PFN2: variants seen among roughly 807,000 people sequenced by gnomAD.
PFN2 encodes the protein profilin-2.
In PFN2, 8 loss-of-function variants were observed where a neutral mutation model predicts 15.3. The observed-to-expected ratio is 0.52, with a 90% CI of 0.31 to 0.95. The LOEUF is 0.95. Ranked by LOEUF, PFN2 falls within the 40% of genes least tolerant of loss-of-function variation. The probability of loss-of-function intolerance (pLI) is 0.05; values close to 1 mark genes in which losing one functional copy is unlikely to be tolerated. For missense variants in PFN2, 111 were observed against 182.3 expected (o/e 0.61, Z 2.25); for synonymous variants, 79 against 67.9 (o/e 1.16, Z -0.81).
chr3:149,966,503 C>T lies in PFN2; in HGVS notation c.409G>A (p.Asp137Asn). 6.2e-7 allele frequency: 1 copy of T among 1,613,004 alleles called. No homozygotes were observed. Among genetic ancestry groups the T allele is most frequent in the Non-Finnish European group, 8.5e-7 (1 of 1,179,062 alleles). The part of the protein sequence containing the change: ...KAYSMAKYLR[D>N]SGF ...CTGCCTAGCAGCTAGAACCCAGAGT[C>T]TCTCAAGTATTTTGCCATTGAGTAT... The change falls in exon 3 of 3, where the codon GAC (aspartate) becomes AAC (asparagine). Residue 137 changes from aspartate (D) to asparagine (N), a missense_variant. Physicochemically the swap from Asp to Asn is conservative, Grantham distance 23. Around this residue, in one of 2 missense-constraint regions of PFN2, gnomAD observed 47 missense variants for 112.7 expected, o/e 0.42. Transcript: ENST00000239940.
chr3:149,968,515 C>G lies in PFN2; in HGVS notation c.168G>C (p.Arg56=). 6.2e-7 allele frequency: 1 copy of G among 1,613,722 alleles called. No individual in the cohort carries two copies. The part of the protein sequence containing the change: ...IEIDMIVGKD[R]EGFFTNGLTL... ...TCAAACCGTTGGTAAAGAAACCTTC[C>G]CGGTCTTTTCCTACAATCATATCTA... Residue 56 remains arginine (R), a synonymous_variant, in exon 2 of 3, where the codon CGG becomes CGC. Transcript: ENST00000239940.
At chr3:149,969,421 G>A (rs1722783369) in intron 1 of PFN2, among the ~76,000 whole-genome samples, 2 of 152,226 alleles carry the variant, frequency 1.3e-5, no homozygotes, top group Non-Finnish European at 2.9e-5. Context: ...GCACACTCCC[G>A]CAATCTTCCT....
Position 149,966,050 on chromosome 3 carries a change from TCATGA to T in PFN2, c.*434_*438del, listed in dbSNP as rs1485491427. 1 of 1,513,736 alleles carries T rather than the reference TCATGA, an allele frequency of 6.6e-7. No individual in the cohort carries two copies. Among genetic ancestry groups the T allele is most frequent in the African/African-American group, 1.4e-5 (1 of 71,868 alleles). The allele number at this position is 1,513,736 out of a possible 1,614,324, so 93.8% of individuals were successfully genotyped here. A position where few individuals can be genotyped will look rare whatever the true frequency, so the allele number is the denominator to read the frequency against. ...AAATGATCCATTGGGCAAACAGGAATCATGACATTAGAAAATAGGTAAAGAAAAAT... is the reference window on the plus strand; with the variant it reads ...AAATGATCCATTGGGCAAACAGGAATCATTAGAAAATAGGTAAAGAAAAAT... On this transcript the variant is annotated 3_prime_UTR_variant, in exon 3 of 3. Transcript: ENST00000239940.
In PFN2 at chr3:149,965,235, CAA is replaced by C; in HGVS notation, c.*1252_*1253del. The C allele has an allele frequency of 6.6e-7, 1 of 1,523,990 alleles. No homozygotes were observed. Among genetic ancestry groups the C allele is most frequent in the South Asian group, 1.2e-5 (1 of 83,306 alleles). 94.4% of individuals were successfully genotyped at this position (1,523,990 alleles called of 1,614,324 possible). A position where few individuals can be genotyped will look rare whatever the true frequency, so the allele number is the denominator to read the frequency against. ...GAATACATATGAAAAAAATTCATCA[CAA>C]GACAGCCAAGTCCACAATAATGCAA... On this transcript the variant is annotated 3_prime_UTR_variant, in exon 3 of 3. Transcript: ENST00000239940.
chr3:149,969,274 G>T lies in PFN2; in HGVS notation c.133-724C>A, dbSNP rs533413298. ...GCAATAGTAAAACAGAAAAAATGGA[G>T]GGAGATTGGGAAAGAAACTGAGGTA... On this transcript the variant is annotated intron_variant, in intron 1 of 2. Transcript: ENST00000239940. Among the ~76,000 whole-genome samples, 10 of 152,266 alleles carry T rather than the reference G, an allele frequency of 6.6e-5. 1 individual carries two copies. The East Asian group carries it at 1.7e-3, about 26-fold the overall frequency.
In PFN2 at chr3:149,965,403, C is replaced by A; in HGVS notation, c.*1086G>T. On this transcript the variant is annotated 3_prime_UTR_variant, in exon 3 of 3. Transcript: ENST00000239940. ...TTTACTAAAGAGTAGAGCTGGTGTG[C>A]AAAGAAAAAGGAAGAAAAATCTGAG... The A allele has an allele frequency of 6.9e-7, 1 of 1,449,750 alleles. No homozygotes were observed. Among genetic ancestry groups the A allele is most frequent in the South Asian group, 1.5e-5 (1 of 68,146 alleles). The allele number at this position is 1,449,750 out of a possible 1,614,324, so 89.8% of individuals were successfully genotyped here. A position where few individuals can be genotyped will look rare whatever the true frequency, so the allele number is the denominator to read the frequency against.
At chr3:149,968,320 G>A in intron 2 of PFN2, 38 bp downstream of exon 2, 3 of 1,536,332 alleles carry the variant, frequency 2.0e-6, no homozygotes, top group Non-Finnish European at 2.7e-6. Context: ...AAGTTGTAAT[G>A]TGGCATGCAA....
rs1722674311 is a variant in PFN2, at chr3:149,965,841, G to A, written c.*648C>T. On this transcript the variant is annotated 3_prime_UTR_variant, in exon 3 of 3. Coordinates refer to ENST00000239940, the MANE Select transcript of PFN2 (RefSeq NM_053024.4). ...GCTGAAAAGACACTGATCAGAGATT[G>A]TACAACCGGCACCTTGCTTAATATT... 1.8e-6 allele frequency: 2 copies of A among 1,135,056 alleles called. No homozygotes were observed. Among genetic ancestry groups the A allele is most frequent in the Admixed American group, 4.5e-5 (1 of 22,106 alleles). The allele number at this position is 1,135,056 out of a possible 1,614,324, so 70.3% of individuals were successfully genotyped here. A position where few individuals can be genotyped will look rare whatever the true frequency, so the allele number is the denominator to read the frequency against.
rs1355068483 is a variant in PFN2 at position 149,965,514 on chromosome 3, T to C, written c.*975A>G. 7.1e-6 allele frequency: 10 copies of C among 1,405,790 alleles called. No individual in the cohort carries two copies. Among genetic ancestry groups the C allele is most frequent in the Non-Finnish European group, 9.2e-6 (10 of 1,086,996 alleles). 87.1% of individuals were successfully genotyped at this position (1,405,790 alleles called of 1,614,324 possible). A position where few individuals can be genotyped will look rare whatever the true frequency, so the allele number is the denominator to read the frequency against. ...GAGGAAGTGCTTTTTGCTCTTGTTT[T>C]GCCATTGCACTCTTCATATGTCCTG... On this transcript the variant is annotated 3_prime_UTR_variant, in exon 3 of 3. Coordinates refer to ENST00000239940, the MANE Select transcript of PFN2 (RefSeq NM_053024.4).
rs1722694877 is a variant in PFN2 at position 149,966,471 on chromosome 3, T to C, written c.*18A>G. 6.2e-7 allele frequency: 1 copy of C among 1,609,016 alleles called. No homozygotes were observed. Among genetic ancestry groups the C allele is most frequent in the Non-Finnish European group, 8.5e-7 (1 of 1,178,358 alleles). On this transcript the variant is annotated 3_prime_UTR_variant, in exon 3 of 3. Transcript: ENST00000239940. ...TTAAGAGCAATTTTCCCCTAATACT[T>C]AACAGTCTGCCTAGCAGCTAGAACC...
intron 1 of PFN2, among the ~76,000 whole-genome samples, chr3:149,969,931 G>C (rs1259592625): frequency 6.6e-6 from 1 of 151,940 alleles, no homozygotes; most frequent in Non-Finnish European, 1.5e-5. Flanking sequence ...GCAGATAATT[G>C]AAAGCCCCCG....
At chr3:149,969,747 AAAC>A (rs1559987188) in intron 1 of PFN2, among the ~76,000 whole-genome samples, 4 of 152,196 alleles carry the variant, frequency 2.6e-5, no homozygotes, top group Non-Finnish European at 5.9e-5. Context: ...GAAACAGGCA[AAAC>A]AATAAGCTGG....
intron 2 of PFN2, chr3:149,968,121 T>C: frequency 4.7e-6 from 2 of 421,802 alleles, no homozygotes; most frequent in African/African-American, 2.0e-5. Context: ...TTAATAAAGC[T>C]GAAAGTGAGT....
chr3:149,965,203 T>C lies in PFN2; in HGVS notation c.*1286A>G. 1 of 1,520,350 alleles carries C rather than the reference T, an allele frequency of 6.6e-7. No homozygotes were observed. Among genetic ancestry groups the C allele is most frequent in the Non-Finnish European group, 8.8e-7 (1 of 1,138,514 alleles). 94.2% of individuals were successfully genotyped at this position (1,520,350 alleles called of 1,614,324 possible). A position where few individuals can be genotyped will look rare whatever the true frequency, so the allele number is the denominator to read the frequency against. ...GCAACAGTTCATTTTAACAATAGTA[T>C]GGCACAGAATACATATGAAAAAAAT... On this transcript the variant is annotated 3_prime_UTR_variant, in exon 3 of 3. Coordinates refer to ENST00000239940, the MANE Select transcript of PFN2 (RefSeq NM_053024.4).
Position 149,966,334 on chromosome 3 carries a change from C to A in PFN2, c.*155G>T. 1 of 1,597,350 alleles carries A rather than the reference C, an allele frequency of 6.3e-7. No individual in the cohort carries two copies. Among genetic ancestry groups the A allele is most frequent in the Non-Finnish European group, 8.5e-7 (1 of 1,172,660 alleles). On this transcript the variant is annotated 3_prime_UTR_variant, in exon 3 of 3. Transcript: ENST00000239940. ...TGGGGGGGGAGGGCAGAAAGAAAGACACCTTTCCCCACCAACAGAGGGATA... is the reference window on the plus strand; with the variant it reads ...TGGGGGGGGAGGGCAGAAAGAAAGAAACCTTTCCCCACCAACAGAGGGATA...
intron 1 of PFN2, chr3:149,968,881 T>TCAG (rs1429426256): frequency 4.4e-6 from 1 of 224,982 alleles, no homozygotes. Context: ...CTGTATTAAG[T>TCAG]CAGCTGGTGC....
At chr3:149,968,635 G>A (rs928618682) in intron 1 of PFN2, 85 bp from the exon 2 acceptor site, 8 of 1,163,504 alleles carry the variant, frequency 6.9e-6, no homozygotes, top group Middle Eastern at 2.0e-4. Flanking sequence ...TAACAGGAAG[G>A]GCTGTAGCTA....
At position 149,966,145 on chromosome 3, in the gene PFN2, T is replaced by C. The variant is rs779315551; in HGVS notation, c.*344A>G. The C allele has an allele frequency of 6.2e-7, 1 of 1,608,868 alleles. No individual in the cohort carries two copies. The highest frequency in any genetic ancestry group is 8.5e-7 in the Non-Finnish European group (1 of 1,177,868). Reference sequence around the variant, plus strand: ...TAGGGTTGTTGATGAAGACAGTTGCTAGGTAGATGGGGAGAGGCTGCTTAC... The same window carrying C: ...TAGGGTTGTTGATGAAGACAGTTGCCAGGTAGATGGGGAGAGGCTGCTTAC... On this transcript the variant is annotated 3_prime_UTR_variant, in exon 3 of 3. Transcript: ENST00000239940.
chr3:149,970,517 C>T (rs1260264421), intron 1 of PFN2: 1 of 384,222 alleles, frequency 2.6e-6, no homozygotes, highest in Non-Finnish European at 4.3e-6. Context: ...CCGGCCGCCG[C>T]CCCCAGCCTG....
Sources: gnomAD v4.1 joint callset for allele counts (sites outside exome capture counted in the v4.1 genomes callset) on GRCh38, gnomAD v4.1.1 for gene constraint, gnomAD v4.1.1 regional missense constraint, MANE v1.5 for transcripts, NCBI Gene and HGNC (gene_info 2026-07-23, HGNC 2026-07-21) for gene names.